The following KIAA0319L variants were observed in gnomAD, a reference collection of about 807,000 sequenced individuals.
KIAA0319L encodes the protein KIAA0319 like.
A neutral mutation model predicts 120.1 loss-of-function variants in KIAA0319L; 55 were observed. The ratio of observed to expected loss-of-function variants is 0.46; its 90% confidence interval spans 0.37 to 0.57. The LOEUF is 0.57. Ranked by LOEUF, KIAA0319L falls within the 20% of genes least tolerant of loss-of-function variation. The pLI, the probability that KIAA0319L is intolerant of heterozygous loss-of-function variation, is 0.00. For synonymous variants in KIAA0319L, 398 were observed against 471.9 expected, an observed-to-expected ratio of 0.84 and a Z score of 2.03; for missense variants, 1,049 against 1,255.3, an observed-to-expected ratio of 0.84 and a Z score of 2.48.
intron 2 of KIAA0319L, among the ~76,000 whole-genome samples, chr1:35,543,811 G>T (rs1558656055): frequency 6.6e-6 from 1 of 152,308 alleles, no homozygotes; most frequent in East Asian, 1.9e-4. Flanking sequence ...TGTAGAGGTT[G>T]AGGGTGATAA....
intron 3 of KIAA0319L, among the ~76,000 whole-genome samples, chr1:35,504,213 T>C (rs1645118895): frequency 6.6e-6 from 1 of 151,118 alleles, no homozygotes; most frequent in Admixed American, 6.6e-5. Context: ...CTTTTTTTTT[T>C]TGAGACAGAG....
In KIAA0319L at chr1:35,449,976, AG is replaced by A; in HGVS notation, c.2243del (p.Pro748LeufsTer17). ...CAACCAGGTTTGAAAGAAAAAGGAT[AG>A]GGTGATGGTCAGAGTGATTTAACAC... ...GEVLNHSDHH[P>X]ILFLSNLVEG... On this transcript the variant is annotated frameshift_variant, in exon 15 of 21. Transcript: ENST00000325722. LOFTEE classifies it high-confidence loss of function. The A allele has an allele frequency of 6.2e-7, 1 of 1,614,188 alleles. No individual in the cohort carries two copies. Among genetic ancestry groups the A allele is most frequent in the Non-Finnish European group, 8.5e-7 (1 of 1,179,998 alleles).
In KIAA0319L at chr1:35,557,305, CGGAGGA is replaced by C. The variant is rs28366020; in HGVS notation, c.-133_-128del. On this transcript the variant is annotated 5_prime_UTR_variant, in exon 1 of 21. Transcript: ENST00000325722. ...ACCCCCAACCTTCGCTCCCCTCACC[CGGAGGA>C]GGAGGAGGAAGAGGAAGAAGGTAGT... 8 of 232,288 alleles carry C rather than the reference CGGAGGA, an allele frequency of 3.4e-5. No homozygotes were observed. Among genetic ancestry groups the C allele is most frequent in the South Asian group, 2.5e-4 (6 of 23,766 alleles). 14.4% of individuals were successfully genotyped at this position (232,288 alleles called of 1,614,324 possible). A position where few individuals can be genotyped will look rare whatever the true frequency, so the allele number is the denominator to read the frequency against.
chr1:35,443,673 AAAATAAATAAATAAATAAAT>A (rs750954696), intron 17 of KIAA0319L, among the ~76,000 whole-genome samples: 4 of 151,022 alleles, frequency 2.6e-5, no homozygotes, highest in Non-Finnish European at 1.5e-5. Context: ...ACTCTATCTC[AAAATAAATAAATAAATAAAT>A]AAATAAATAA....
At chr1:35,553,198 T>G (rs151028472) in intron 2 of KIAA0319L, among the ~76,000 whole-genome samples, 1 of 151,874 alleles carries the variant, frequency 6.6e-6, no homozygotes, top group Non-Finnish European at 1.5e-5. Context: ...ACCATCGCAC[T>G]CCAGCCTGGG....
intron 3 of KIAA0319L, among the ~76,000 whole-genome samples, chr1:35,495,572 A>G (rs927327966): frequency 6.6e-6 from 1 of 152,194 alleles, no homozygotes; most frequent in African/African-American, 2.4e-5. Flanking sequence ...CAAATCACGT[A>G]TCTGAGAAAG....
At chr1:35,548,299 C>G in intron 2 of KIAA0319L, among the ~76,000 whole-genome samples, 1 of 151,992 alleles carries the variant, frequency 6.6e-6, no homozygotes, top group East Asian at 1.9e-4. Flanking sequence ...GATACCCTAA[C>G]CTCTAACCCT....
At position 35,444,346 on chromosome 1, in the gene KIAA0319L, T is replaced by C. The variant is rs768431490; in HGVS notation, c.2514-43A>G. 6 of 1,529,398 alleles carry C rather than the reference T, an allele frequency of 3.9e-6. No individual in the cohort carries two copies. In the East Asian group the frequency reaches 1.2e-4, roughly 30 times the overall value. 94.7% of individuals were successfully genotyped at this position (1,529,398 alleles called of 1,614,324 possible). A position where few individuals can be genotyped will look rare whatever the true frequency, so the allele number is the denominator to read the frequency against. On this transcript the variant is annotated intron_variant, in intron 16 of 20. Coordinates refer to ENST00000325722, the MANE Select transcript of KIAA0319L (RefSeq NM_024874.5). ...AGTACTAATGAGCTGAAGCGGTCCA[T>C]ACCTGCAGCAACAGCTAACATTTAC...
At chr1:35,491,000 T>C (rs1178427794) in intron 3 of KIAA0319L, among the ~76,000 whole-genome samples, 2 of 152,232 alleles carry the variant, frequency 1.3e-5, no homozygotes, top group African/African-American at 4.8e-5. Context: ...ATGCTTCCTG[T>C]ACAGTCTGCA....
intron 20 of KIAA0319L, chr1:35,438,411 A>G (rs1640948266): frequency 6.6e-6 from 1 of 151,980 alleles, no homozygotes; most frequent in Non-Finnish European, 1.5e-5. Flanking sequence ...TTCCTCAAAA[A>G]TGTATCTAGA....
intron 2 of KIAA0319L, chr1:35,510,574 C>A (rs933822031): frequency 2.7e-5 from 4 of 149,002 alleles, no homozygotes; most frequent in Non-Finnish European, 5.9e-5. Flanking sequence ...TGGAGATAAG[C>A]CTTTTAAAAA....
chr1:35,489,879 T>C (rs758942621), intron 3 of KIAA0319L, among the ~76,000 whole-genome samples: 5 of 151,892 alleles, frequency 3.3e-5, no homozygotes, highest in Non-Finnish European at 7.4e-5. Context: ...GTTGGCCAGG[T>C]TGGTCTCGAA....
At chr1:35,546,744 T>C (rs1646997195) in intron 2 of KIAA0319L, among the ~76,000 whole-genome samples, 1 of 152,190 alleles carries the variant, frequency 6.6e-6, no homozygotes, top group African/African-American at 2.4e-5. Flanking sequence ...CAAGTTCCAT[T>C]TCCTCCATGA....
At chr1:35,531,311 C>T (rs1456752550) in intron 2 of KIAA0319L, among the ~76,000 whole-genome samples, 2 of 152,218 alleles carry the variant, frequency 1.3e-5, no homozygotes, top group African/African-American at 2.4e-5. Flanking sequence ...CCCTGGTATA[C>T]AGGACATTGT....
At chr1:35,493,350 A>T (rs1283302045) in intron 3 of KIAA0319L, among the ~76,000 whole-genome samples, 1 of 152,042 alleles carries the variant, frequency 6.6e-6, no homozygotes, top group East Asian at 1.9e-4. Context: ...CCCACTAAAC[A>T]TTTTTTTAAT....
intron 3 of KIAA0319L, among the ~76,000 whole-genome samples, chr1:35,479,959 A>AC (rs1283342231): frequency 1.4e-5 from 2 of 145,510 alleles, no homozygotes; most frequent in African/African-American, 2.6e-5. Context: ...AAAAAAAAAA[A>AC]AAAAAAAAAA....
chr1:35,435,316 T>G (rs1048680520), intron 20 of KIAA0319L: 2 of 459,782 alleles, frequency 4.3e-6, no homozygotes, highest in South Asian at 3.9e-5. Context: ...TGGGGTCTCC[T>G]GCTGGTTCTT....
rs753416410 is a variant in KIAA0319L at position 35,444,248 on chromosome 1, G to C, written c.2569C>G (p.His857Asp). Residue 857 changes from histidine to aspartate, a missense_variant, in exon 17 of 21, where the codon CAT (histidine) becomes GAT (aspartate). Transcript: ENST00000325722. ...NEPPHQIFKGHEVAAMLKSEL... is the reference protein window; with the variant it reads ...NEPPHQIFKGDEVAAMLKSEL... ...CTCTTGAGCATCGCTGCCACCTCAT[G>C]GCCTTTGAAGATCTGGTGGGGAGGC... The C allele has an allele frequency of 6.2e-7, 1 of 1,609,064 alleles. No homozygotes were observed. Among genetic ancestry groups the C allele is most frequent in the Non-Finnish European group, 8.5e-7 (1 of 1,178,052 alleles).
chr1:35,494,646 G>GA (rs1229940564), intron 3 of KIAA0319L, among the ~76,000 whole-genome samples: 326 of 136,122 alleles, frequency 2.4e-3, no homozygotes, highest in East Asian at 5.3e-3. Flanking sequence ...ATAACAAAGG[G>GA]AAAAAAAAAA....
Sources: gnomAD v4.1 joint callset for allele counts (sites outside exome capture counted in the v4.1 genomes callset) on GRCh38, gnomAD v4.1.1 for gene constraint, MANE v1.5 for transcripts, NCBI Gene and HGNC (gene_info 2026-07-23, HGNC 2026-07-21) for gene names.